GPBP1L1: variants seen among roughly 807,000 people sequenced by gnomAD.
GPBP1L1 encodes the protein GC-rich promoter binding protein 1 like 1, also known as vasculin-like protein 1.
In GPBP1L1, 23 loss-of-function variants were observed where a neutral mutation model predicts 52.5. That is an observed-to-expected ratio of 0.44 (90% CI 0.32 to 0.62). GPBP1L1 has a LOEUF of 0.62. Ranked by LOEUF, GPBP1L1 falls within the 20% of genes least tolerant of loss-of-function variation. The pLI is 0.06. For synonymous variants in GPBP1L1, 243 were observed against 203.1 expected, an observed-to-expected ratio of 1.20 and a Z score of -1.67; for missense variants, 596 against 579.3, an observed-to-expected ratio of 1.03 and a Z score of -0.30.
At chr1:45,648,640 G>A (rs1300106645) in intron 6 of GPBP1L1, among the ~76,000 whole-genome samples, 1 of 152,148 alleles carries the variant, frequency 6.6e-6, no homozygotes, top group Non-Finnish European at 1.5e-5. Context: ...CGGGTATGTG[G>A]GGAAATATCA....
chr1:45,634,258 A>G, intron 8 of GPBP1L1, 22 bp from the exon 9 acceptor site: 1 of 1,592,220 alleles, frequency 6.3e-7, no homozygotes. Context: ...GAAAGAACAA[A>G]TCAGTCAGAA....
At chr1:45,671,981 C>T (rs930478998) in intron 2 of GPBP1L1, among the ~76,000 whole-genome samples, 6 of 152,086 alleles carry the variant, frequency 3.9e-5, no homozygotes, top group East Asian at 1.9e-4. Context: ...ATCATGAGCA[C>T]GGTCAACTTC....
intron 3 of GPBP1L1, among the ~76,000 whole-genome samples, chr1:45,659,918 G>A (rs1644928880): frequency 6.6e-6 from 1 of 152,168 alleles, no homozygotes; most frequent in Admixed American, 6.5e-5. Flanking sequence ...TCCAGCCTGG[G>A]TGACAGAGTG....
At chr1:45,633,199 C>T (rs1644551914) in intron 10 of GPBP1L1, among the ~76,000 whole-genome samples, 1 of 152,182 alleles carries the variant, frequency 6.6e-6, no homozygotes, top group Non-Finnish European at 1.5e-5. Flanking sequence ...AGCACAAAAA[C>T]CTGCACATGG....
intron 10 of GPBP1L1, 22 bp downstream of exon 10, chr1:45,633,467 C>G: frequency 6.2e-7 from 1 of 1,610,016 alleles, no homozygotes; most frequent in Non-Finnish European, 8.5e-7. Context: ...AGGCTACCCC[C>G]AGAAAAGGCG....
chr1:45,681,894 A>G (rs562887463), intron 2 of GPBP1L1, among the ~76,000 whole-genome samples: 15 of 152,324 alleles, frequency 9.8e-5, no homozygotes, highest in African/African-American at 3.6e-4. Flanking sequence ...TATGGTGGAA[A>G]CTATGCTTTG....
intron 2 of GPBP1L1, among the ~76,000 whole-genome samples, chr1:45,667,710 C>T (rs1425545014): frequency 3.9e-5 from 6 of 152,178 alleles, no homozygotes; most frequent in African/African-American, 1.4e-4. Context: ...AACCCCCTTC[C>T]TAGAGCCTGT....
At chr1:45,658,667 C>T (rs986938188) in intron 4 of GPBP1L1, 2 of 243,536 alleles carry the variant, frequency 8.2e-6, no homozygotes, top group East Asian at 9.0e-5. Context: ...CAGTGGCTCA[C>T]GCCTGTAATC....
At chr1:45,672,727 T>C (rs1645089267) in intron 2 of GPBP1L1, among the ~76,000 whole-genome samples, 1 of 152,112 alleles carries the variant, frequency 6.6e-6, no homozygotes, top group Non-Finnish European at 1.5e-5. Flanking sequence ...CTTTAAAGAT[T>C]GGGGAGACTG....
intron 6 of GPBP1L1, among the ~76,000 whole-genome samples, chr1:45,645,096 T>C (rs1279317268): frequency 6.6e-6 from 1 of 152,214 alleles, no homozygotes; most frequent in Non-Finnish European, 1.5e-5. Flanking sequence ...CTAAATCCTT[T>C]TGCTACAACC....
At chr1:45,634,451 T>A in intron 8 of GPBP1L1, 1 of 417,930 alleles carries the variant, frequency 2.4e-6, no homozygotes, top group Non-Finnish European at 4.3e-6. Context: ...TGGACATTAA[T>A]AGTGACTTCC....
At chr1:45,671,925 C>A (rs1403887844) in intron 2 of GPBP1L1, among the ~76,000 whole-genome samples, 2 of 152,084 alleles carry the variant, frequency 1.3e-5, no homozygotes, top group Non-Finnish European at 2.9e-5. Context: ...GGCAATAAAT[C>A]TAGATCAAAA....
chr1:45,668,745 G>A (rs1206684163), intron 2 of GPBP1L1, among the ~76,000 whole-genome samples: 2 of 152,158 alleles, frequency 1.3e-5, no homozygotes, highest in African/African-American at 2.4e-5. Context: ...GTTAATGGCC[G>A]ATGTAATGCC....
At chr1:45,678,914 T>C (rs1382566562) in intron 2 of GPBP1L1, among the ~76,000 whole-genome samples, 1 of 152,162 alleles carries the variant, frequency 6.6e-6, no homozygotes, top group African/African-American at 2.4e-5. Context: ...AATAGAAACC[T>C]AAACATATGC....
rs947368494 is a variant in GPBP1L1 at position 45,646,437 on chromosome 1, C to CT, written c.478-3939dup. On this transcript the variant is annotated intron_variant, in intron 6 of 12. Transcript: ENST00000355105. ...GCCTGAATGGCCAAAGGATATCTTT[C>CT]TTTTTTTGTTCAAGTCTAGTATTTT... Among the ~76,000 whole-genome samples the CT allele has an allele frequency of 2.0e-5, 3 of 152,050 alleles. No individual in the cohort carries two copies. In the East Asian group the frequency reaches 5.8e-4, roughly 29 times the overall value.
Position 45,640,157 on chromosome 1 carries a change from T to C in GPBP1L1, c.744+53A>G, listed in dbSNP as rs1378974491. The C allele has an allele frequency of 2.1e-6, 3 of 1,422,956 alleles. No homozygotes were observed. In the Admixed American group the frequency reaches 6.4e-5, roughly 30 times the overall value. 88.1% of individuals were successfully genotyped at this position (1,422,956 alleles called of 1,614,324 possible). A position where few individuals can be genotyped will look rare whatever the true frequency, so the allele number is the denominator to read the frequency against. Reference sequence around the variant, plus strand: ...AACAAATTTATTAATTTTTTCCTGATTTATTCCCAAACCTCTCTTGTATAA... The same window carrying C: ...AACAAATTTATTAATTTTTTCCTGACTTATTCCCAAACCTCTCTTGTATAA... On this transcript the variant is annotated intron_variant, in intron 8 of 12. Transcript: ENST00000355105.
At chr1:45,675,907 T>C (rs1372656077) in intron 2 of GPBP1L1, among the ~76,000 whole-genome samples, 2 of 152,234 alleles carry the variant, frequency 1.3e-5, no homozygotes, top group Non-Finnish European at 2.9e-5. Flanking sequence ...CCTAAGACTA[T>C]AGTATGTTTA....
chr1:45,653,750 G>A (rs1049702309), intron 6 of GPBP1L1, among the ~76,000 whole-genome samples: 1 of 147,726 alleles, frequency 6.8e-6, no homozygotes, highest in Admixed American at 6.8e-5. Context: ...CCAGACTGGA[G>A]TGTAATGGCG....
At chr1:45,675,024 C>A (rs1645121276) in intron 2 of GPBP1L1, among the ~76,000 whole-genome samples, 1 of 152,150 alleles carries the variant, frequency 6.6e-6, no homozygotes. Flanking sequence ...GACTTCAGGT[C>A]TCCAAGTGAG....
Sources: allele counts gnomAD v4.1 joint callset (sites outside exome capture counted in the v4.1 genomes callset), GRCh38; gene constraint gnomAD v4.1.1; transcripts MANE v1.5; gene names NCBI Gene and HGNC (gene_info 2026-07-23, HGNC 2026-07-21).